Variants in ZNF804B observed in about 807,000 individuals in gnomAD.
The protein encoded by ZNF804B is zinc finger 804B.
ZNF804B carries 80 observed loss-of-function variants against 101.4 expected under a neutral mutation model. That is an observed-to-expected ratio of 0.79 (90% CI 0.66 to 0.95). The LOEUF (loss-of-function observed/expected upper bound fraction) is 0.95. Among genes scored for constraint, ZNF804B ranks in the 40% least tolerant of loss-of-function variants. The pLI, the probability that ZNF804B is intolerant of heterozygous loss-of-function variation, is 0.00. For missense variants in ZNF804B, 1,673 were observed against 1,561.9 expected, an observed-to-expected ratio of 1.07 and a Z score of -1.20; for synonymous variants, 622 against 558.8, an observed-to-expected ratio of 1.11 and a Z score of -1.59.
At chr7:89,265,555 G>C (rs1434658707) in intron 2 of ZNF804B, among the ~76,000 whole-genome samples, 1 of 152,154 alleles carries the variant, frequency 6.6e-6, no homozygotes, top group East Asian at 1.9e-4. Flanking sequence ...CTTTATCTAA[G>C]ATAATACAGA....
chr7:89,232,583 C>G (rs537509976), intron 2 of ZNF804B, among the ~76,000 whole-genome samples: 1 of 152,136 alleles, frequency 6.6e-6, no homozygotes, highest in South Asian at 2.1e-4. Context: ...CATTCTATTT[C>G]TTCTTGGCTC....
At chr7:89,138,921 C>T (rs1455300191) in intron 1 of ZNF804B, among the ~76,000 whole-genome samples, 2 of 152,082 alleles carry the variant, frequency 1.3e-5, no homozygotes, top group African/African-American at 2.4e-5. Context: ...AATTAAATGT[C>T]TTTCTCTTGT....
At chr7:89,227,519 G>GA (rs1356756274) in intron 2 of ZNF804B, among the ~76,000 whole-genome samples, 2 of 152,044 alleles carry the variant, frequency 1.3e-5, no homozygotes, top group East Asian at 1.9e-4. Context: ...TATAAAATAT[G>GA]AAAAAATATA....
At chr7:89,244,520 G>A (rs1423062768) in intron 2 of ZNF804B, among the ~76,000 whole-genome samples, 1 of 151,948 alleles carries the variant, frequency 6.6e-6, no homozygotes, top group Non-Finnish European at 1.5e-5. Flanking sequence ...AAAATAAAAG[G>A]TATGCAAAAT....
At chr7:88,786,712 G>A (rs532839414) in intron 1 of ZNF804B, among the ~76,000 whole-genome samples, 3 of 152,120 alleles carry the variant, frequency 2.0e-5, no homozygotes, top group African/African-American at 7.2e-5. Context: ...AACCAGGAAG[G>A]AGCAATTTTT....
chr7:89,320,919 A>T (rs529880180), intron 2 of ZNF804B, among the ~76,000 whole-genome samples: 1 of 152,284 alleles, frequency 6.6e-6, no homozygotes, highest in South Asian at 2.1e-4. Flanking sequence ...TTTCCTAAAA[A>T]GTAGGTAAGA....
intron 1 of ZNF804B, among the ~76,000 whole-genome samples, chr7:88,798,708 G>T (rs1790531091): frequency 6.6e-6 from 1 of 152,094 alleles, no homozygotes; most frequent in Non-Finnish European, 1.5e-5. Context: ...TGACTAGATA[G>T]AAATAGAAGC....
At chr7:89,074,367 G>C (rs1445157940) in intron 1 of ZNF804B, among the ~76,000 whole-genome samples, 1 of 152,130 alleles carries the variant, frequency 6.6e-6, no homozygotes, top group Non-Finnish European at 1.5e-5. Context: ...GTCATGAGAG[G>C]AACCCAGTGG....
chr7:89,015,557 A>G (rs978986111), intron 1 of ZNF804B, among the ~76,000 whole-genome samples: 6 of 151,814 alleles, frequency 4.0e-5, no homozygotes, highest in South Asian at 4.2e-4. Context: ...TCATTGTTCA[A>G]TTCCCACCTA....
intron 2 of ZNF804B, among the ~76,000 whole-genome samples, chr7:89,241,672 G>A (rs2115764502): frequency 1.3e-5 from 2 of 152,046 alleles, no homozygotes; most frequent in Middle Eastern, 6.8e-3. Context: ...ATTTTTTACT[G>A]CATGGACAGA....
rs186281283 is a variant in ZNF804B, at chr7:89,277,200, G to A, written c.250-50144G>A. Among the ~76,000 whole-genome samples the A allele has an allele frequency of 5.2e-3, 782 of 149,640 alleles. 5 individuals carry two copies. The highest frequency in any genetic ancestry group is 8.6e-3 in the Non-Finnish European group (578 of 67,524). On this transcript the variant is annotated intron_variant, in intron 2 of 3. Transcript: ENST00000333190. The stretch of plus-strand genomic sequence containing the variant: ...CAAAATTTTACATACACACAGAAGA[G>A]AAATTCCTCAAATGCAGAGCTAATG...
In ZNF804B at chr7:88,892,480, A is replaced by G. The variant is rs762016333; in HGVS notation, c.108+132396A>G. Among the ~76,000 whole-genome samples the G allele has an allele frequency of 1.2e-4, 18 of 151,972 alleles. 1 individual carries two copies. The highest frequency in any genetic ancestry group is 2.2e-4 in the Non-Finnish European group (15 of 67,982). ...TGGCTTCCATTATTCTTGAAAAGTC[A>G]TTGTCATTTTAAGTGTCAGTTTTTT... On this transcript the variant is annotated intron_variant, in intron 1 of 3. Coordinates refer to ENST00000333190, the MANE Select transcript of ZNF804B (RefSeq NM_181646.5).
At chr7:89,216,093 G>A (rs1161488663) in intron 1 of ZNF804B, among the ~76,000 whole-genome samples, 1 of 151,870 alleles carries the variant, frequency 6.6e-6, no homozygotes, top group Non-Finnish European at 1.5e-5. Context: ...CATCTGAGGT[G>A]AGGAGTTTGA....
chr7:89,035,049 G>T lies in ZNF804B; in HGVS notation c.109-183106G>T, dbSNP rs548645482. ...TATCACCATAGACAATTACATTTTG[G>T]GGGAAGAAATTACATGTGAATGAGC... On this transcript the variant is annotated intron_variant, in intron 1 of 3. Transcript: ENST00000333190. Among the ~76,000 whole-genome samples, 15 of 152,236 alleles carry T rather than the reference G, an allele frequency of 9.9e-5. No individual in the cohort carries two copies. The East Asian group carries it at 2.5e-3, about 25-fold the overall frequency.
intron 1 of ZNF804B, among the ~76,000 whole-genome samples, chr7:89,156,037 T>C (rs528509189): frequency 7.6e-5 from 5 of 65,952 alleles, no homozygotes; most frequent in Non-Finnish European, 1.8e-4. Context: ...TCTTTCTTTC[T>C]TTCTTTCTTT....
chr7:89,270,385 T>A (rs1412287729), intron 2 of ZNF804B, among the ~76,000 whole-genome samples: 1 of 151,942 alleles, frequency 6.6e-6, no homozygotes, highest in East Asian at 1.9e-4. Flanking sequence ...TAGATGGGTG[T>A]TATTATTTTT....
chr7:89,117,306 A>G (rs1156259022), intron 1 of ZNF804B, among the ~76,000 whole-genome samples: 1 of 152,240 alleles, frequency 6.6e-6, no homozygotes, highest in East Asian at 1.9e-4. Flanking sequence ...TAGGAATCTA[A>G]TATAGGTACC....
chr7:88,832,085 CTG>C (rs1791142506), intron 1 of ZNF804B, among the ~76,000 whole-genome samples: 1 of 151,284 alleles, frequency 6.6e-6, no homozygotes, highest in East Asian at 1.9e-4. Context: ...AGGGGGAGCT[CTG>C]TGTTTCCCTA....
intron 1 of ZNF804B, among the ~76,000 whole-genome samples, chr7:88,882,216 C>T (rs550722076): frequency 2.0e-5 from 3 of 152,048 alleles, no homozygotes; most frequent in Non-Finnish European, 4.4e-5. Context: ...GCCTAAAGAA[C>T]ATGAGCAGAC....
Sources: allele counts gnomAD v4.1 joint callset (sites outside exome capture counted in the v4.1 genomes callset), GRCh38; gene constraint gnomAD v4.1.1; transcripts MANE v1.5; gene names NCBI Gene and HGNC (gene_info 2026-07-23, HGNC 2026-07-21).